Variants in CDKAL1 observed in about 807,000 individuals in gnomAD.
CDKAL1 encodes the protein threonylcarbamoyladenosine tRNA methylthiotransferase.
Under a neutral mutation model 68.2 loss-of-function variants are expected in CDKAL1, and 32 were observed. That is an observed-to-expected ratio of 0.47 (90% CI 0.35 to 0.63). The LOEUF is 0.63. Ranked by LOEUF, CDKAL1 falls within the 30% of genes least tolerant of loss-of-function variation. The pLI, the probability that CDKAL1 is intolerant of heterozygous loss-of-function variation, is 0.00. For missense variants in CDKAL1, 606 were observed against 696.7 expected (o/e 0.87, Z 1.47); for synonymous variants, 234 against 244.3 (o/e 0.96, Z 0.39).
chr6:20,875,897 C>G lies in CDKAL1; in HGVS notation c.742+29719C>G, dbSNP rs556689621. ...AATAAGAAATTGAAAAAAAGGCTTA[C>G]TAGCTTAAATAGCTTTAAAAATATA... On this transcript the variant is annotated intron_variant, in intron 9 of 15. Transcript: ENST00000274695. Among the ~76,000 whole-genome samples the G allele has an allele frequency of 3.9e-5, 6 of 152,246 alleles. No individual in the cohort carries two copies. The South Asian group carries it at 1.2e-3, about 32-fold the overall frequency.
At position 20,838,084 on chromosome 6, in the gene CDKAL1, A is replaced by G. The variant is rs999846423; in HGVS notation, c.639-7991A>G. ...TACATCCATTTTTATAGATGTATAC[A>G]TCTACTTTACATAATTTTAAAACAG... On this transcript the variant is annotated intron_variant, in intron 8 of 15. Coordinates refer to ENST00000274695, the MANE Select transcript of CDKAL1 (RefSeq NM_017774.3). Among the ~76,000 whole-genome samples, 5 of 152,070 alleles carry G rather than the reference A, an allele frequency of 3.3e-5. No individual in the cohort carries two copies. In the South Asian group the frequency reaches 1.0e-3, roughly 32 times the overall value.
chr6:21,067,735 G>T (rs1424442496), intron 12 of CDKAL1, among the ~76,000 whole-genome samples: 1 of 151,626 alleles, frequency 6.6e-6, no homozygotes, highest in Non-Finnish European at 1.5e-5. Context: ...GAGTGTAATC[G>T]CTGAGTCATA....
intron 13 of CDKAL1, among the ~76,000 whole-genome samples, chr6:21,194,967 G>T (rs893198372): frequency 6.6e-6 from 1 of 152,094 alleles, no homozygotes; most frequent in Non-Finnish European, 1.5e-5. Flanking sequence ...GTTGAGATAG[G>T]TTCTCACTCT....
chr6:20,587,124 T>C (rs989930468), intron 4 of CDKAL1, among the ~76,000 whole-genome samples: 2 of 151,740 alleles, frequency 1.3e-5, no homozygotes, highest in African/African-American at 4.8e-5. Flanking sequence ...GTAGCTGAGA[T>C]TACAGGCGCG....
intron 5 of CDKAL1, among the ~76,000 whole-genome samples, chr6:20,730,390 A>T (rs1365022137): frequency 6.6e-6 from 1 of 151,636 alleles, no homozygotes; most frequent in Non-Finnish European, 1.5e-5. Context: ...CCGAAAAAAA[A>T]GGAAGAAAGG....
intron 4 of CDKAL1, among the ~76,000 whole-genome samples, chr6:20,576,645 A>G (rs1437262798): frequency 6.6e-6 from 1 of 152,196 alleles, no homozygotes; most frequent in Non-Finnish European, 1.5e-5. Context: ...AAATTTTGCA[A>G]TGCTTAGCGC....
At chr6:21,064,061 C>A (rs1399616469) in intron 11 of CDKAL1, among the ~76,000 whole-genome samples, 1 of 152,106 alleles carries the variant, frequency 6.6e-6, no homozygotes, top group African/African-American at 2.4e-5. Context: ...ATCCAGACAT[C>A]CCATTAGCAA....
intron 13 of CDKAL1, among the ~76,000 whole-genome samples, chr6:21,155,277 A>G (rs1240674890): frequency 6.6e-6 from 1 of 151,666 alleles, no homozygotes; most frequent in African/African-American, 2.4e-5. Flanking sequence ...GAATTATATT[A>G]TGTGTCATCA....
At chr6:21,028,091 A>G (rs1477845096) in intron 11 of CDKAL1, among the ~76,000 whole-genome samples, 1 of 152,172 alleles carries the variant, frequency 6.6e-6, no homozygotes, top group African/African-American at 2.4e-5. Flanking sequence ...AACCTGGTGT[A>G]TTAGGGTCAT....
In CDKAL1 at chr6:21,198,067, C is replaced by G; in HGVS notation, c.1346C>G (p.Ser449Cys). 1 of 1,605,994 alleles carries G rather than the reference C, an allele frequency of 6.2e-7. No homozygotes were observed. The highest frequency in any genetic ancestry group is 8.5e-7 in the Non-Finnish European group (1 of 1,176,020). The change falls in exon 14 of 16, where the codon TCC (serine) becomes TGC (cysteine). Residue 449 changes from serine to cysteine, a missense_variant. Physicochemically the swap from Ser to Cys is moderately radical, Grantham distance 112. Coordinates refer to ENST00000274695, the MANE Select transcript of CDKAL1 (RefSeq NM_017774.3). Reference protein sequence around the residue: ...QVLVTEESFDSKFYVAHNQFY... With the variant: ...QVLVTEESFDCKFYVAHNQFY... ...TTAGTAACAGAAGAATCTTTTGATTCCAAGTTTTATGTTGCACACAATCAA... is the reference window on the plus strand; with the variant it reads ...TTAGTAACAGAAGAATCTTTTGATTGCAAGTTTTATGTTGCACACAATCAA...
chr6:21,189,924 T>C (rs2151095893), intron 13 of CDKAL1, among the ~76,000 whole-genome samples: 1 of 152,194 alleles, frequency 6.6e-6, no homozygotes, highest in African/African-American at 2.4e-5. Flanking sequence ...GGAATCAAAA[T>C]GGAAAGGTTA....
At chr6:21,163,276 C>T (rs369837986) in intron 13 of CDKAL1, among the ~76,000 whole-genome samples, 2 of 152,162 alleles carry the variant, frequency 1.3e-5, no homozygotes, top group Non-Finnish European at 2.9e-5. Context: ...TTCCTGGGGT[C>T]GGTTTTATAA....
intron 7 of CDKAL1, among the ~76,000 whole-genome samples, chr6:20,770,004 C>CT (rs965962590): frequency 6.6e-6 from 1 of 152,106 alleles, no homozygotes; most frequent in Non-Finnish European, 1.5e-5. Context: ...TCACTGCTCA[C>CT]TTTTTTTCCA....
rs187475178 is a variant in CDKAL1 at position 20,884,614 on chromosome 6, C to T, written c.742+38436C>T. Among the ~76,000 whole-genome samples the T allele has an allele frequency of 4.9e-4, 75 of 152,280 alleles. 1 individual carries two copies. The highest frequency in any genetic ancestry group is 1.7e-3 in the African/African-American group (72 of 41,560). ...CTAAATATAGAAGATCCCAAAGAAT[C>T]TACAAGAAAACTACTAGAACTATGA... is the stretch of plus-strand genomic sequence containing the variant. On this transcript the variant is annotated intron_variant, in intron 9 of 15. Coordinates refer to ENST00000274695, the MANE Select transcript of CDKAL1 (RefSeq NM_017774.3).
intron 9 of CDKAL1, among the ~76,000 whole-genome samples, chr6:20,886,114 T>G (rs181817430): frequency 4.1e-3 from 629 of 152,218 alleles, no homozygotes; most frequent in Middle Eastern, 6.8e-3. Context: ...TGAATAGATA[T>G]TTTTCAAAAG....
intron 13 of CDKAL1, among the ~76,000 whole-genome samples, chr6:21,144,317 T>C (rs1776059700): frequency 1.3e-5 from 2 of 152,210 alleles, no homozygotes; most frequent in African/African-American, 4.8e-5. Flanking sequence ...AGCTTAGACA[T>C]GCAAATGTTA....
chr6:21,017,320 G>A (rs910649959), intron 11 of CDKAL1, among the ~76,000 whole-genome samples: 1 of 152,148 alleles, frequency 6.6e-6, no homozygotes. Flanking sequence ...TGTATGATGT[G>A]GAGACTTCAG....
At chr6:20,553,547 T>C (rs1763914166) in intron 4 of CDKAL1, among the ~76,000 whole-genome samples, 2 of 152,194 alleles carry the variant, frequency 1.3e-5, no homozygotes, top group African/African-American at 4.8e-5. Flanking sequence ...TAAAGCGAAC[T>C]GTCAGAGCAG....
intron 7 of CDKAL1, among the ~76,000 whole-genome samples, chr6:20,771,280 C>T (rs983697881): frequency 6.6e-6 from 1 of 152,148 alleles, no homozygotes; most frequent in Non-Finnish European, 1.5e-5. Context: ...TATAGAAAGG[C>T]AGTGATAACA....
Sources: gnomAD v4.1 joint callset for allele counts (sites outside exome capture counted in the v4.1 genomes callset) on GRCh38, gnomAD v4.1.1 for gene constraint, MANE v1.5 for transcripts, NCBI Gene and HGNC (gene_info 2026-07-23, HGNC 2026-07-21) for gene names.